The following RBFOX1 variants were observed in gnomAD, a reference collection of about 807,000 sequenced individuals.
The protein encoded by RBFOX1 is RNA binding protein fox-1 homolog 1.
In RBFOX1, 8 loss-of-function variants were observed where a neutral mutation model predicts 57.7. The ratio of observed to expected loss-of-function variants is 0.14; its 90% CI spans 0.08 to 0.25. The LOEUF (loss-of-function observed/expected upper bound fraction) is 0.25, where lower values mean the gene tolerates loss of function less well. Among genes scored for constraint, RBFOX1 ranks in the 10% least tolerant of loss-of-function variants. The pLI is 1.00. For missense variants in RBFOX1, 611 were observed against 548.5 expected, an observed-to-expected ratio of 1.11 and a Z score of -1.14; for synonymous variants, 326 against 222.4, an observed-to-expected ratio of 1.47 and a Z score of -4.15.
At chr16:5,775,341 G>C (rs112977311) in intron 3 of RBFOX1, among the ~76,000 whole-genome samples, 6 of 152,230 alleles carry the variant, frequency 3.9e-5, no homozygotes, top group East Asian at 1.9e-4. Flanking sequence ...TTCTGGGCCT[G>C]ATGTTATACC....
At chr16:5,824,475 C>A (rs999896446) in intron 3 of RBFOX1, among the ~76,000 whole-genome samples, 1 of 152,150 alleles carries the variant, frequency 6.6e-6, no homozygotes, top group Non-Finnish European at 1.5e-5. Flanking sequence ...ATTCCCAGGG[C>A]CCCAGTTATG....
At chr16:5,319,772 G>A (rs573355954) in intron 1 of RBFOX1, among the ~76,000 whole-genome samples, 28 of 152,324 alleles carry the variant, frequency 1.8e-4, no homozygotes, top group Middle Eastern at 3.4e-3. Context: ...GACAGTTTAT[G>A]GTAGATGCTG....
chr16:6,106,994 C>G (rs1195961701), intron 1 of RBFOX1, among the ~76,000 whole-genome samples: 1 of 152,174 alleles, frequency 6.6e-6, no homozygotes, highest in Non-Finnish European at 1.5e-5. Flanking sequence ...TTAAAAAATT[C>G]CTGCAGTCAC....
chr16:5,474,369 G>T (rs532068267), intron 2 of RBFOX1, among the ~76,000 whole-genome samples: 3 of 152,250 alleles, frequency 2.0e-5, no homozygotes, highest in East Asian at 3.9e-4. Context: ...AATACCCCTG[G>T]ACGGCTAGGC....
At chr16:6,185,230 A>G (rs771761276) in intron 1 of RBFOX1, among the ~76,000 whole-genome samples, 3 of 152,128 alleles carry the variant, frequency 2.0e-5, no homozygotes, top group Non-Finnish European at 4.4e-5. Context: ...TTTCCTCTCC[A>G]TCTGTCACTC....
chr16:6,361,800 A>G (rs1207684478), intron 2 of RBFOX1, among the ~76,000 whole-genome samples: 2 of 152,190 alleles, frequency 1.3e-5, no homozygotes, highest in African/African-American at 2.4e-5. Context: ...TTTCTTATCC[A>G]CAGCCAAAAT....
At chr16:6,047,972 C>T (rs540496787) in intron 1 of RBFOX1, among the ~76,000 whole-genome samples, 9 of 152,170 alleles carry the variant, frequency 5.9e-5, no homozygotes, top group South Asian at 4.2e-4. Context: ...CATTTTGCTA[C>T]GTTATCAAGG....
chr16:6,069,632 A>T (rs1006303316), intron 1 of RBFOX1, among the ~76,000 whole-genome samples: 8 of 152,170 alleles, frequency 5.3e-5, no homozygotes, highest in African/African-American at 1.9e-4. Flanking sequence ...TTATTTTAGG[A>T]AGTAACAGAA....
intron 3 of RBFOX1, among the ~76,000 whole-genome samples, chr16:6,675,405 G>C (rs187121275): frequency 1.3e-5 from 2 of 152,088 alleles, no homozygotes; most frequent in Admixed American, 1.3e-4. Context: ...AATTCAGGTG[G>C]GCTCTTCCCA....
chr16:6,518,984 A>AGG (rs1313292668), intron 2 of RBFOX1, among the ~76,000 whole-genome samples: 1 of 152,002 alleles, frequency 6.6e-6, no homozygotes, highest in East Asian at 1.9e-4. Flanking sequence ...CAGAAAATAA[A>AGG]GGGGGAAATA....
chr16:5,578,288 C>T (rs939940235), intron 2 of RBFOX1, among the ~76,000 whole-genome samples: 2 of 152,134 alleles, frequency 1.3e-5, no homozygotes, highest in African/African-American at 4.8e-5. Flanking sequence ...TCTCACCTAG[C>T]CTCATTCATC....
rs114281920 is a variant in RBFOX1 at position 5,457,634 on chromosome 16, T to C, written c.220-9582T>C. Among the ~76,000 whole-genome samples, 495 of 152,294 alleles carry C rather than the reference T, an allele frequency of 3.3e-3. 5 individuals carry two copies. The highest frequency in any genetic ancestry group is 0.011 in the African/African-American group (466 of 41,560). Reference sequence around the variant, plus strand: ...TCTTTCGTCTGCATGGAGCACTCTTTCTCCTCTTTCTTAAGTTGTCTTAGT... The same window carrying C: ...TCTTTCGTCTGCATGGAGCACTCTTCCTCCTCTTTCTTAAGTTGTCTTAGT... On this transcript the variant is annotated intron_variant, in intron 1 of 2. Transcript: ENST00000585867.
At chr16:6,494,536 C>T (rs2095712514) in intron 2 of RBFOX1, among the ~76,000 whole-genome samples, 1 of 152,160 alleles carries the variant, frequency 6.6e-6, no homozygotes. Context: ...ATTGTTACAT[C>T]AGTAATTTTG....
chr16:6,820,118 T>A (rs1187226235), intron 3 of RBFOX1, among the ~76,000 whole-genome samples: 1 of 152,190 alleles, frequency 6.6e-6, no homozygotes, highest in Admixed American at 6.5e-5. Context: ...TGAAATCTGA[T>A]GGTTTTATAA....
At chr16:7,191,612 C>G (rs960787880) in intron 4 of RBFOX1, among the ~76,000 whole-genome samples, 2 of 152,140 alleles carry the variant, frequency 1.3e-5, no homozygotes, top group Non-Finnish European at 2.9e-5. Context: ...ATTTAATAAG[C>G]AAGTAGATTA....
At chr16:7,038,656 G>A (rs35730343) in intron 3 of RBFOX1, among the ~76,000 whole-genome samples, 14,645 of 152,090 alleles carry the variant, frequency 0.096, 1,156 homozygotes, top group East Asian at 0.32. Flanking sequence ...CAAGCCTGAA[G>A]TGAACAACTC....
At position 6,899,439 on chromosome 16, in the gene RBFOX1, A is replaced by C. The variant is rs147072021; in HGVS notation, c.-15-152618A>C. Reference sequence around the variant, plus strand: ...GATACATTACAATTTTTACATTTTTAGTTGGTTGTTTACGGCCATTGGTTG... The same window carrying C: ...GATACATTACAATTTTTACATTTTTCGTTGGTTGTTTACGGCCATTGGTTG... On this transcript the variant is annotated intron_variant, in intron 3 of 15. Coordinates refer to ENST00000550418, the MANE Select transcript of RBFOX1 (RefSeq NM_018723.4). Among the ~76,000 whole-genome samples, 6 of 152,148 alleles carry C rather than the reference A, an allele frequency of 3.9e-5. No individual in the cohort carries two copies. In the East Asian group the frequency reaches 1.2e-3, roughly 29 times the overall value.
chr16:6,409,184 C>G (rs185098303), intron 2 of RBFOX1, among the ~76,000 whole-genome samples: 453 of 152,254 alleles, frequency 3.0e-3, no homozygotes, highest in Middle Eastern at 0.017. Context: ...GAGGCCAAGG[C>G]AGGTGGATCA....
At chr16:6,027,474 T>G (rs1444671511) in intron 1 of RBFOX1, among the ~76,000 whole-genome samples, 1 of 152,166 alleles carries the variant, frequency 6.6e-6, no homozygotes, top group Non-Finnish European at 1.5e-5. Flanking sequence ...AGATCCCAGC[T>G]CCATCACTTT....
Sources: allele counts gnomAD v4.1 joint callset (sites outside exome capture counted in the v4.1 genomes callset), GRCh38; gene constraint gnomAD v4.1.1; transcripts MANE v1.5; gene names NCBI Gene and HGNC (gene_info 2026-07-23, HGNC 2026-07-21).